The following TBC1D22A variants were observed in gnomAD, a reference collection of about 807,000 sequenced individuals.
The protein encoded by TBC1D22A is TBC1 domain family member 22A, also known as putative GTPase activator.
In TBC1D22A, 38 loss-of-function variants were observed where a neutral mutation model predicts 60.2. That is an observed-to-expected ratio of 0.63 (90% CI 0.49 to 0.83). The LOEUF is 0.83. Among genes scored for constraint, TBC1D22A ranks in the 40% least tolerant of loss-of-function variants. TBC1D22A has a pLI of 0.00. For synonymous variants in TBC1D22A, 302 were observed against 281.7 expected (o/e 1.07, Z -0.72); for missense variants, 628 against 701.0 (o/e 0.90, Z 1.18).
chr22:47,064,635 G>A (rs1201475782), intron 11 of TBC1D22A, among the ~76,000 whole-genome samples: 1 of 152,228 alleles, frequency 6.6e-6, no homozygotes, highest in East Asian at 1.9e-4. Context: ...CTCAGGGCCT[G>A]GCAGGGCTCT....
chr22:47,065,515 G>A (rs1289880320), intron 11 of TBC1D22A, among the ~76,000 whole-genome samples: 1 of 78,032 alleles, frequency 1.3e-5, no homozygotes, highest in Non-Finnish European at 2.4e-5. Flanking sequence ...CTGTTGGGGG[G>A]CAGGCCTGGC....
intron 8 of TBC1D22A, among the ~76,000 whole-genome samples, chr22:46,940,411 T>C (rs1457636080): frequency 6.6e-6 from 1 of 151,414 alleles, no homozygotes; most frequent in Non-Finnish European, 1.5e-5. Flanking sequence ...TATATGTATA[T>C]ACACAGTCCA....
chr22:47,076,361 G>GTGTA (rs1392245000), intron 11 of TBC1D22A, among the ~76,000 whole-genome samples: 16 of 101,938 alleles, frequency 1.6e-4, no homozygotes, highest in East Asian at 4.6e-4. Context: ...ATATGTGTGT[G>GTGTA]TATATATATA....
chr22:46,938,361 A>G (rs959774744), intron 8 of TBC1D22A, among the ~76,000 whole-genome samples: 3 of 152,326 alleles, frequency 2.0e-5, no homozygotes, highest in East Asian at 3.9e-4. Flanking sequence ...AGGCTATACC[A>G]TATAGCCTAG....
intron 4 of TBC1D22A, among the ~76,000 whole-genome samples, chr22:46,825,606 T>G (rs1396440059): frequency 6.6e-6 from 1 of 152,232 alleles, no homozygotes; most frequent in East Asian, 1.9e-4. Context: ...CCCAAGTAGC[T>G]GGGATTACAA....
At chr22:46,807,160 A>G (rs1377013949) in intron 4 of TBC1D22A, among the ~76,000 whole-genome samples, 1 of 152,210 alleles carries the variant, frequency 6.6e-6, no homozygotes, top group Admixed American at 6.5e-5. Context: ...GTGGTGAGCA[A>G]TTAGAATTCA....
In TBC1D22A at chr22:46,913,502, G is replaced by A. The variant is rs938097696; in HGVS notation, c.1015+1314G>A. On this transcript the variant is annotated intron_variant, in intron 8 of 12. Coordinates refer to ENST00000337137, the MANE Select transcript of TBC1D22A (RefSeq NM_014346.5). Reference sequence around the variant, plus strand: ...TTTGTTTCCATTTGTGATTTCATAGGAGGTTGTCTCATTGCTAAGCAACTA... The same window carrying A: ...TTTGTTTCCATTTGTGATTTCATAGAAGGTTGTCTCATTGCTAAGCAACTA... 6 of 1,300,572 alleles carry A rather than the reference G, an allele frequency of 4.6e-6. No individual in the cohort carries two copies. The African/African-American group carries it at 9.1e-5, about 20-fold the overall frequency. The allele number at this position is 1,300,572 out of a possible 1,614,324, so 80.6% of individuals were successfully genotyped here. A position where few individuals can be genotyped will look rare whatever the true frequency, so the allele number is the denominator to read the frequency against.
chr22:46,836,426 T>G (rs2086523650), intron 4 of TBC1D22A, among the ~76,000 whole-genome samples: 1 of 152,180 alleles, frequency 6.6e-6, no homozygotes, highest in Non-Finnish European at 1.5e-5. Context: ...CACTATGCAT[T>G]TTGTAACACT....
chr22:46,846,122 A>G (rs755901174), intron 4 of TBC1D22A, among the ~76,000 whole-genome samples: 2 of 152,238 alleles, frequency 1.3e-5, no homozygotes, highest in African/African-American at 4.8e-5. Flanking sequence ...GGAGTTTATC[A>G]CAATGCATCT....
intron 4 of TBC1D22A, among the ~76,000 whole-genome samples, chr22:46,853,820 C>A (rs930581763): frequency 1.3e-5 from 2 of 152,166 alleles, no homozygotes; most frequent in African/African-American, 4.8e-5. Context: ...GCAGTGAGCA[C>A]GTGGCTGGTC....
intron 7 of TBC1D22A, among the ~76,000 whole-genome samples, chr22:46,904,142 T>TCTATCTGCCTGCCTACCTACCTAC (rs57116517): frequency 3.0e-5 from 4 of 134,500 alleles, no homozygotes; most frequent in African/African-American, 1.2e-4. Context: ...TATCTATCTA[T>TCTATCTGCCTGCCTACCTACCTAC]CTACCTACCT....
At chr22:46,810,062 G>C (rs1009341390) in intron 4 of TBC1D22A, among the ~76,000 whole-genome samples, 11 of 152,302 alleles carry the variant, frequency 7.2e-5, no homozygotes, top group Admixed American at 4.6e-4. Flanking sequence ...TTGTTTGAGA[G>C]TATTCAAAAT....
At chr22:46,967,134 ACTGTGGTTCAGT>A (rs1413074581) in intron 8 of TBC1D22A, among the ~76,000 whole-genome samples, 1 of 152,214 alleles carries the variant, frequency 6.6e-6, no homozygotes, top group Admixed American at 6.5e-5. Flanking sequence ...GGGAACTGTG[ACTGTGGTTCAGT>A]CTGTGTAACC....
intron 1 of TBC1D22A, among the ~76,000 whole-genome samples, chr22:46,778,212 G>C (rs1325586074): frequency 1.3e-5 from 2 of 152,070 alleles, no homozygotes; most frequent in Non-Finnish European, 2.9e-5. Context: ...GCATCGTGTA[G>C]ATGTCATTAG....
chr22:46,831,769 A>T (rs1377681221), intron 4 of TBC1D22A, among the ~76,000 whole-genome samples: 1 of 152,232 alleles, frequency 6.6e-6, no homozygotes, highest in African/African-American at 2.4e-5. Flanking sequence ...GGAACCTCCA[A>T]TTACCTTTTA....
intron 11 of TBC1D22A, among the ~76,000 whole-genome samples, chr22:47,049,016 C>G (rs131915): frequency 0.69 from 104,875 of 152,218 alleles, 36,691 homozygotes; most frequent in East Asian, 0.92. Flanking sequence ...GCTTGGCCTC[C>G]TGTGTCCCCA....
Position 46,777,854 on chromosome 22 carries a change from C to A in TBC1D22A, c.63-14666C>A, listed in dbSNP as rs529018052. Among the ~76,000 whole-genome samples the A allele has an allele frequency of 4.1e-4, 62 of 152,262 alleles. No homozygotes were observed. Among genetic ancestry groups the A allele is most frequent in the African/African-American group, 1.3e-3 (55 of 41,542 alleles). On this transcript the variant is annotated intron_variant, in intron 1 of 12. Coordinates refer to ENST00000337137, the MANE Select transcript of TBC1D22A (RefSeq NM_014346.5). This position sits in a 1 kb window ranked among gnomAD's most constrained non-coding sequence, Gnocchi z 4.5. ...GACATGTGTCCTTAGGTGATTTGGT[C>A]CCTGTGTGAACATCACAGAGCACAT...
chr22:46,792,856 G>A, intron 2 of TBC1D22A: 1 of 1,434,764 alleles, frequency 7.0e-7, no homozygotes. Flanking sequence ...GCCATGGGCA[G>A]CCTGGCTGCA....
chr22:46,986,657 G>A (rs958903265), intron 9 of TBC1D22A, among the ~76,000 whole-genome samples: 1 of 152,146 alleles, frequency 6.6e-6, no homozygotes, highest in Admixed American at 6.5e-5. Flanking sequence ...GCATAGCTTT[G>A]TTGGTATTTT....
Sources: allele counts gnomAD v4.1 joint callset (sites outside exome capture counted in the v4.1 genomes callset), GRCh38; gene constraint gnomAD v4.1.1; non-coding constraint Gnocchi (gnomAD v3.1); transcripts MANE v1.5; gene names NCBI Gene and HGNC (gene_info 2026-07-23, HGNC 2026-07-21).